The following MARK3 variants were observed in gnomAD, a reference collection of about 807,000 sequenced individuals.
The protein encoded by MARK3 is microtubule affinity regulating kinase 3, also known as MAP/microtubule affinity-regulating kinase 3.
A neutral mutation model predicts 90.1 loss-of-function variants in MARK3; 46 were observed. That is an observed-to-expected ratio of 0.51 (90% CI 0.40 to 0.65). MARK3 has a LOEUF of 0.65. MARK3 is among the 30% of genes least tolerant of loss of function. The probability of loss-of-function intolerance (pLI) is 0.00; values close to 1 mark genes in which losing one functional copy is unlikely to be tolerated. For synonymous variants in MARK3, 321 were observed against 332.6 expected (o/e 0.97, Z 0.38); for missense variants, 818 against 947.2 (o/e 0.86, Z 1.79).
chr14:103,470,779 A>T (rs1380872113), intron 12 of MARK3, among the ~76,000 whole-genome samples: 2 of 152,020 alleles, frequency 1.3e-5, no homozygotes, highest in African/African-American at 2.4e-5. Context: ...TCTTCTCTGG[A>T]CATTTTCCAT....
intron 14 of MARK3, chr14:103,489,364 C>CT (rs1307291984): frequency 1.3e-5 from 2 of 152,252 alleles, no homozygotes; most frequent in Non-Finnish European, 2.9e-5. Context: ...CTTCAGGGGC[C>CT]TGGGGATGTG....
chr14:103,479,216 A>G (rs894201641), intron 13 of MARK3, among the ~76,000 whole-genome samples: 2 of 151,884 alleles, frequency 1.3e-5, no homozygotes, highest in Non-Finnish European at 2.9e-5. Context: ...TGTGGTAGAG[A>G]TGAGGTCTCC....
In MARK3 at chr14:103,487,595, A is replaced by G. The variant is rs181052611; in HGVS notation, c.1587-4182A>G. Among the ~76,000 whole-genome samples, 570 of 152,184 alleles carry G rather than the reference A, an allele frequency of 3.7e-3. 3 individuals carry two copies. Among genetic ancestry groups the G allele is most frequent in the African/African-American group, 0.013 (537 of 41,520 alleles). ...AGGGAAAGGGTCAAACAACTCCTGC[A>G]TCTTCTTCCCCTGCTTTTCTTGGCA... is the stretch of plus-strand genomic sequence containing the variant. On this transcript the variant is annotated intron_variant, in intron 14 of 17. Coordinates refer to ENST00000429436, the MANE Select transcript of MARK3 (RefSeq NM_001128918.3).
intron 3 of MARK3, among the ~76,000 whole-genome samples, chr14:103,431,428 C>T (rs1013883837): frequency 1.3e-5 from 2 of 151,844 alleles, no homozygotes; most frequent in African/African-American, 2.4e-5. Context: ...GTCAGGAGTT[C>T]GAGACCAGCC....
intron 14 of MARK3, chr14:103,490,372 C>G (rs2093996372): frequency 6.6e-6 from 1 of 152,058 alleles, no homozygotes; most frequent in African/African-American, 2.4e-5. Flanking sequence ...TACCTGTAAT[C>G]TTATTAATTC....
At chr14:103,469,303 T>A (rs1342625626) in intron 12 of MARK3, 2 of 151,296 alleles carry the variant, frequency 1.3e-5, no homozygotes, top group Non-Finnish European at 2.9e-5. Context: ...TGCCTCAGCC[T>A]CCTGAGTAGC....
At chr14:103,413,760 T>C (rs2091800778) in intron 2 of MARK3, among the ~76,000 whole-genome samples, 1 of 152,092 alleles carries the variant, frequency 6.6e-6, no homozygotes, top group East Asian at 1.9e-4. Context: ...GCCTGGTCAG[T>C]TGTCTTTTTT....
chr14:103,405,185 GA>G lies in MARK3; in HGVS notation c.164del (p.Asn55ThrfsTer5). 1 of 1,600,718 alleles carries G rather than the reference GA, an allele frequency of 6.2e-7. No homozygotes were observed. The highest frequency in any genetic ancestry group is 8.5e-7 in the Non-Finnish European group (1 of 1,176,254). ...TGTGCAGATGAACAACCTCACATCG[GA>G]AACTACAGACTGTTGAAAACAATCG... ...ASCADEQPHI[G>X]NYRLLKTIGK... On this transcript the variant is annotated frameshift_variant, in exon 2 of 18. Coordinates refer to ENST00000429436, the MANE Select transcript of MARK3 (RefSeq NM_001128918.3). LOFTEE classifies it high-confidence loss of function.
At chr14:103,430,841 G>A (rs1009738966) in intron 3 of MARK3, among the ~76,000 whole-genome samples, 2 of 152,022 alleles carry the variant, frequency 1.3e-5, no homozygotes, top group Admixed American at 6.6e-5. Context: ...ATTAATAAAC[G>A]TTAGATTCTG....
Position 103,499,974 on chromosome 14 carries a change from G to A in MARK3, c.1872-182G>A, listed in dbSNP as rs987926698. On this transcript the variant is annotated intron_variant, in intron 16 of 17. Transcript: ENST00000429436. ...TGCACACCCCTGCAGCCTTGTGGAA[G>A]AAGGTAGCGCTGGCTCAGTCAAATG... 9 of 620,706 alleles carry A rather than the reference G, an allele frequency of 1.4e-5. No homozygotes were observed. In the Admixed American group the frequency reaches 1.9e-4, roughly 13 times the overall value. The allele number at this position is 620,706 out of a possible 1,614,324, so 38.4% of individuals were successfully genotyped here. A position where few individuals can be genotyped will look rare whatever the true frequency, so the allele number is the denominator to read the frequency against.
chr14:103,433,757 G>A (rs1038231796), intron 3 of MARK3, among the ~76,000 whole-genome samples: 2 of 152,062 alleles, frequency 1.3e-5, no homozygotes, highest in African/African-American at 4.8e-5. Flanking sequence ...TTTCTAGGAA[G>A]GTCAGATAAC....
chr14:103,489,291 A>G (rs2093979794), intron 14 of MARK3: 1 of 152,270 alleles, frequency 6.6e-6, no homozygotes. Context: ...CAGGAAGGCT[A>G]GAAAGTTGAG....
At chr14:103,408,488 C>T (rs1197882844) in intron 2 of MARK3, among the ~76,000 whole-genome samples, 1 of 152,200 alleles carries the variant, frequency 6.6e-6, no homozygotes, top group African/African-American at 2.4e-5. Flanking sequence ...CATGCCTGGC[C>T]TGAATGTAGT....
intron 3 of MARK3, among the ~76,000 whole-genome samples, chr14:103,439,848 G>A (rs1021827028): frequency 1.3e-5 from 2 of 151,966 alleles, no homozygotes; most frequent in African/African-American, 2.4e-5. Context: ...GTACAGTGGC[G>A]TGATCTCAGC....
At position 103,390,876 on chromosome 14, in the gene MARK3, A is replaced by G. The variant is rs77031211; in HGVS notation, c.51+4796A>G. On this transcript the variant is annotated intron_variant, in intron 1 of 17. Coordinates refer to ENST00000429436, the MANE Select transcript of MARK3 (RefSeq NM_001128918.3). The stretch of plus-strand genomic sequence containing the variant: ...GGCGTGCCCCACCACATGCATGGCT[A>G]ATTTTTAATTTTTTCGTAGAGATGA... Among the ~76,000 whole-genome samples, 22 of 152,066 alleles carry G rather than the reference A, an allele frequency of 1.4e-4. 1 individual carries two copies. The East Asian group carries it at 4.3e-3, about 29-fold the overall frequency.
intron 12 of MARK3, 60 bp downstream of exon 12, chr14:103,468,246 C>T: frequency 2.1e-6 from 3 of 1,429,108 alleles, no homozygotes; most frequent in Non-Finnish European, 1.9e-6. Context: ...TCTCCTAGCA[C>T]TGGGAAGCAT....
At chr14:103,425,617 G>A (rs1403156805) in intron 2 of MARK3, among the ~76,000 whole-genome samples, 1 of 152,208 alleles carries the variant, frequency 6.6e-6, no homozygotes, top group Non-Finnish European at 1.5e-5. Flanking sequence ...TGAATAAGAT[G>A]TCTTTTCCCC....
chr14:103,389,528 C>CAAAAAAAAA (rs67737305), intron 1 of MARK3, among the ~76,000 whole-genome samples: 12,287 of 49,644 alleles, frequency 0.25, 3,148 homozygotes, highest in Non-Finnish European at 0.27. Flanking sequence ...ACTCTGTCTC[C>CAAAAAAAAA]AAAAAAAAAA....
In MARK3 at chr14:103,465,803, G is replaced by A; in HGVS notation, c.777+10G>A. ...TGGGCAAAACCTAAAGGTATAAGAAGCTGCACCCATGTACTTCACTAAACT... is the reference window on the plus strand; with the variant it reads ...TGGGCAAAACCTAAAGGTATAAGAAACTGCACCCATGTACTTCACTAAACT... On this transcript the variant is annotated intron_variant, in intron 8 of 17. Transcript: ENST00000429436. The A allele has an allele frequency of 1.9e-6, 3 of 1,605,246 alleles. No homozygotes were observed. The highest frequency in any genetic ancestry group is 1.7e-6 in the Non-Finnish European group (2 of 1,173,922).
Sources: gnomAD v4.1 joint callset for allele counts (sites outside exome capture counted in the v4.1 genomes callset) on GRCh38, gnomAD v4.1.1 for gene constraint, MANE v1.5 for transcripts, NCBI Gene and HGNC (gene_info 2026-07-23, HGNC 2026-07-21) for gene names.